Variants in HAS1 observed in about 807,000 individuals in gnomAD.
HAS1 encodes HA synthase 1.
A neutral mutation model predicts 35.0 loss-of-function variants in HAS1; 27 were observed. The observed-to-expected ratio is 0.77, with a 90% CI of 0.57 to 1.06. The LOEUF (loss-of-function observed/expected upper bound fraction) is 1.06. Ranked by LOEUF, HAS1 falls within the 50% of genes least tolerant of loss-of-function variation. HAS1 has a pLI of 0.00. For synonymous variants in HAS1, 409 were observed against 371.2 expected, an observed-to-expected ratio of 1.10 and a Z score of -1.17; for missense variants, 940 against 814.8, an observed-to-expected ratio of 1.15 and a Z score of -1.87.
intron 4 of HAS1, among the ~76,000 whole-genome samples, chr19:51,715,850 A>G (rs1036142029): frequency 2.0e-5 from 3 of 151,554 alleles, no homozygotes; most frequent in African/African-American, 7.3e-5. Context: ...GTTAGATCCC[A>G]CTCTATCCAT....
intron 1 of HAS1, among the ~76,000 whole-genome samples, chr19:51,723,716 A>C (rs1488818547): frequency 6.6e-6 from 1 of 152,100 alleles, no homozygotes; most frequent in African/African-American, 2.4e-5. Flanking sequence ...GGCCGCTCAC[A>C]CAGGGCAATG....
In HAS1 at chr19:51,713,672, C is replaced by A. The variant is rs1342472095; in HGVS notation, c.1489G>T (p.Ala497Ser). ...AGGGGCAGCAGAGGGACGTAGTTAG[C>A]GGCCAGCTTCCGCCGGCCCGAGGTG... ...WGTSGRRKLA[A>S]NYVPLLPLAL... is the part of the protein sequence containing the mutation. The change falls in exon 5 of 5, where the codon GCT (alanine) becomes TCT (serine). Residue 497 changes from alanine to serine, a missense_variant. By Grantham distance (99) the Ala-to-Ser change is moderately conservative. Coordinates refer to ENST00000540069, the MANE Select transcript of HAS1 (RefSeq NM_001297436.2). The surrounding 1 kb of genome is among the most constrained non-coding windows in gnomAD (Gnocchi z 4.5). The A allele has an allele frequency of 1.2e-5, 19 of 1,583,368 alleles. No homozygotes were observed. The Admixed American group carries it at 2.9e-4, about 24-fold the overall frequency.
Position 51,713,367 on chromosome 19 carries a change from C to T in HAS1, c.*60G>A, listed in dbSNP as rs1440689768. 1 of 1,409,938 alleles carries T rather than the reference C, an allele frequency of 7.1e-7. No homozygotes were observed. The highest frequency in any genetic ancestry group is 1.5e-5 in the African/African-American group (1 of 67,206). 87.3% of individuals were successfully genotyped at this position (1,409,938 alleles called of 1,614,324 possible). On this transcript the variant is annotated 3_prime_UTR_variant, in exon 5 of 5. Transcript: ENST00000540069. The surrounding 1 kb of genome is among the most constrained non-coding windows in gnomAD (Gnocchi z 4.5). ...ACCCAGCAAGTTCGTGGCTCGGGGC[C>T]CAGCAGCTCTCCTCTGGCCTCCCCT...
In HAS1 at chr19:51,713,638, C is replaced by T. The variant is rs548164990; in HGVS notation, c.1523G>A (p.Trp508Ter). Residue 508 changes from tryptophan to a stop codon, truncating the protein, a stop_gained, in exon 5 of 5, where the codon TGG becomes TAG. Transcript: ENST00000540069. LOFTEE classifies it low-confidence loss of function (END_TRUNC). The surrounding 1 kb of genome is among the most constrained non-coding windows in gnomAD (Gnocchi z 4.5). ...CAGGCCCCCAAGCAGCAGCAGCGCCCAGAGCGCCAGGGGCAGCAGAGGGAC... is the reference window on the plus strand; with the variant it reads ...CAGGCCCCCAAGCAGCAGCAGCGCCTAGAGCGCCAGGGGCAGCAGAGGGAC... ...NYVPLLPLAL[W>*]ALLLLGGLVR... 5 of 1,565,998 alleles carry T rather than the reference C, an allele frequency of 3.2e-6. No homozygotes were observed.
chr19:51,719,150 G>A, intron 2 of HAS1, 56 bp downstream of exon 2: 1 of 1,107,314 alleles, frequency 9.0e-7, no homozygotes, highest in East Asian at 2.6e-5. Flanking sequence ...AAAGACCCCA[G>A]GAAAGTGGGA....
chr19:51,718,332 G>C (rs936129394), intron 2 of HAS1, among the ~76,000 whole-genome samples: 1 of 152,046 alleles, frequency 6.6e-6, no homozygotes, highest in South Asian at 2.1e-4. Flanking sequence ...AGATGGCTGA[G>C]TGGTTGAATG....
At chr19:51,716,760 CAT>C (rs1402325431) in intron 3 of HAS1, among the ~76,000 whole-genome samples, 1 of 152,078 alleles carries the variant, frequency 6.6e-6, no homozygotes. Context: ...AATCGTCATC[CAT>C]ATCCTTTTTC....
rs1176116592 is a variant in HAS1, at chr19:51,716,276, G to A, written c.1038C>T (p.Leu346=). The A allele has an allele frequency of 1.9e-6, 3 of 1,613,846 alleles. No individual in the cohort carries two copies. Among genetic ancestry groups the A allele is most frequent in the Admixed American group, 1.7e-5 (1 of 60,006 alleles). Residue 346 remains leucine (L), a synonymous_variant, in exon 4 of 5, where the codon CTC becomes CTT. Transcript: ENST00000540069. ...CTTACTTGGTAGCATAACCCATGCT[G>A]AGCATGCGGTTGGTGAGGTGCCGGT... is the stretch of plus-strand genomic sequence containing the variant. ...GDDRHLTNRM[L]SMGYATKYTS... is the part of the protein sequence containing the mutation.
rs61753443 is a variant in HAS1, at chr19:51,719,674, G to A, written c.231C>T (p.His77=). The A allele has an allele frequency of 6.1e-3, 9,425 of 1,552,020 alleles. 37 individuals are homozygous for A. The highest frequency in any genetic ancestry group is 8.9e-3 in the Admixed American group (466 of 52,394). The change falls in exon 2 of 5, where the codon CAC becomes CAT. Residue 77 remains histidine (H), a synonymous_variant. Transcript: ENST00000540069. ...VAQSLFAYLE[H]RRVAAAARGP... ...CCCGCGCCGCCGCCGCCACCCGCCGGTGCTCCAGGTACGCGAAGAGGCTCT... is the reference window on the plus strand; with the variant it reads ...CCCGCGCCGCCGCCGCCACCCGCCGATGCTCCAGGTACGCGAAGAGGCTCT...
Position 51,719,538 on chromosome 19 carries a change from G to C in HAS1, c.367C>G (p.Pro123Ala). The part of the protein sequence containing the change: ...CLASARALLY[P>A]RARLRVLMVV... ...ATGAGGACGCGCAGCCGCGCGCGCGGGTACAGCAGGGCGCGGGCGGACGCC... is the reference window on the plus strand; with the variant it reads ...ATGAGGACGCGCAGCCGCGCGCGCGCGTACAGCAGGGCGCGGGCGGACGCC... The change falls in exon 2 of 5, where the codon CCG becomes GCG. Residue 123 changes from proline to alanine, a missense_variant. Pro to Ala is a conservative substitution (Grantham distance 27). Transcript: ENST00000540069. 1.3e-6 allele frequency: 2 copies of C among 1,547,668 alleles called. No individual in the cohort carries two copies. Among genetic ancestry groups the C allele is most frequent in the Non-Finnish European group, 1.7e-6 (2 of 1,145,584 alleles).
Position 51,713,534 on chromosome 19 carries a change from C to A in HAS1, c.1627G>T (p.Gly543Trp), listed in dbSNP as rs551285865. 1 of 1,594,536 alleles carries A rather than the reference C, an allele frequency of 6.3e-7. No individual in the cohort carries two copies. The highest frequency in any genetic ancestry group is 8.5e-7 in the Non-Finnish European group (1 of 1,171,550). Residue 543 changes from glycine (G) to tryptophan (W), a missense_variant, in exon 5 of 5, where the codon GGG becomes TGG. Physicochemically the swap from Gly to Trp is radical, Grantham distance 184. Coordinates refer to ENST00000540069, the MANE Select transcript of HAS1 (RefSeq NM_001297436.2). This position sits in a 1 kb window ranked among gnomAD's most constrained non-coding sequence, Gnocchi z 4.5. ...CAGTAGCCCACGTAGGCGCCGGCCCCCGCGGCCAAGTGGTAGGCCTCGGCT... is the reference window on the plus strand; with the variant it reads ...CAGTAGCCCACGTAGGCGCCGGCCCACGCGGCCAAGTGGTAGGCCTCGGCT... ...RAAEAYHLAA[G>W]AGAYVGYWVA...
At chr19:51,716,153 G>T in intron 4 of HAS1, 103 bp downstream of exon 4, 1 of 1,023,978 alleles carries the variant, frequency 9.8e-7, no homozygotes, top group Non-Finnish European at 1.5e-6. Flanking sequence ...AGAGCCCATT[G>T]TCTGGTGAGT....
At chr19:51,718,104 A>G in intron 2 of HAS1, 1 of 168,614 alleles carries the variant, frequency 5.9e-6, no homozygotes, top group South Asian at 1.3e-4. Flanking sequence ...AGGCATGATG[A>G]CAGGTGCCTG....
At chr19:51,722,650 T>C (rs1432292155) in intron 1 of HAS1, among the ~76,000 whole-genome samples, 1 of 152,232 alleles carries the variant, frequency 6.6e-6, no homozygotes, top group Non-Finnish European at 1.5e-5. Context: ...CAAATTTCAG[T>C]GTCCTTAAAG....
chr19:51,713,753 C>G lies in HAS1; in HGVS notation c.1408G>C (p.Gly470Arg). 6.2e-7 allele frequency: 1 copy of G among 1,606,866 alleles called. No individual in the cohort carries two copies. Among genetic ancestry groups the G allele is most frequent in the South Asian group, 1.1e-5 (1 of 90,202 alleles). The change falls in exon 5 of 5, where the codon GGC (glycine) becomes CGC (arginine). Residue 470 changes from glycine (G) to arginine (R), a missense_variant. Gly to Arg is a moderately radical substitution (Grantham distance 125). Coordinates refer to ENST00000540069, the MANE Select transcript of HAS1 (RefSeq NM_001297436.2). This position sits in a 1 kb window ranked among gnomAD's most constrained non-coding sequence, Gnocchi z 4.5. ...GCCAGGAACTTGGCAGGCAGGAGGC[C>G]ACACATGTAGAGGGGCGCGTAGAGC... ...LSLYAPLYMC[G>R]LLPAKFLALV...
Position 51,713,792 on chromosome 19 carries a change from T to TGCGCAGGCAGCCCCGCAGCCAGGCC in HAS1, c.1344_1368dup (p.Met457GlyfsTer50), listed in dbSNP as rs779403488. 8 of 1,605,668 alleles carry TGCGCAGGCAGCCCCGCAGCCAGGCC rather than the reference T, an allele frequency of 5.0e-6. No homozygotes were observed. In the East Asian group the frequency reaches 1.3e-4, roughly 27 times the overall value. On this transcript the variant is annotated frameshift_variant, in exon 5 of 5. Transcript: ENST00000540069. LOFTEE classifies it low-confidence loss of function (END_TRUNC). The surrounding 1 kb of genome is among the most constrained non-coding windows in gnomAD (Gnocchi z 4.5). ...GGCGCGTAGAGCGACAGAAGCACCA[T>TGCGCAGGCAGCCCCGCAGCCAGGCC]GCGCAGGCAGCCCCGCAGCCAGGCC...
In HAS1 at chr19:51,717,097, C is replaced by T. The variant is rs768928691; in HGVS notation, c.796G>A (p.Val266Met). Residue 266 changes from valine (V) to methionine (M), a missense_variant, in exon 3 of 5, where the codon GTG becomes ATG. Physicochemically the swap from Val to Met is conservative, Grantham distance 21 (BLOSUM62 1). Transcript: ENST00000540069. Reference sequence around the variant, plus strand: ...GAGTCCAGAGGGTTAAGGATCCGCACGTCCCCACCAACAGCCCCTACCCGG... The same window carrying T: ...GAGTCCAGAGGGTTAAGGATCCGCATGTCCCCACCAACAGCCCCTACCCGG... Reference protein sequence around the residue: ...DPRVGAVGGDVRILNPLDSWV... With the variant: ...DPRVGAVGGDMRILNPLDSWV... 8.7e-6 allele frequency: 14 copies of T among 1,613,990 alleles called. No individual in the cohort carries two copies. The highest frequency in any genetic ancestry group is 1.3e-5 in the African/African-American group (1 of 75,012).
chr19:51,714,167 G>T, intron 4 of HAS1, 65 bp from the exon 5 acceptor site: 1 of 1,559,492 alleles, frequency 6.4e-7, no homozygotes, highest in Non-Finnish European at 8.7e-7. Context: ...GGATTCTGGA[G>T]GCAGAAATGA....
intron 2 of HAS1, chr19:51,718,170 G>T: frequency 6.5e-6 from 1 of 152,940 alleles, no homozygotes; most frequent in Non-Finnish European, 1.5e-5. Flanking sequence ...CCAGGAGACA[G>T]AGGTTGCAGT....
Sources: gnomAD v4.1 joint callset for allele counts (sites outside exome capture counted in the v4.1 genomes callset) on GRCh38, gnomAD v4.1.1 for gene constraint, Gnocchi (gnomAD v3.1) non-coding constraint, MANE v1.5 for transcripts, NCBI Gene and HGNC (gene_info 2026-07-23, HGNC 2026-07-21) for gene names.